Variants in TRIM42 observed in about 807,000 individuals in gnomAD.
The protein encoded by TRIM42 is tripartite motif containing 42.
In TRIM42, 59 loss-of-function variants were observed where a neutral mutation model predicts 64.9. The ratio of observed to expected loss-of-function variants is 0.91; its 90% confidence interval spans 0.74 to 1.13. The LOEUF (loss-of-function observed/expected upper bound fraction) is 1.13, where lower values mean the gene tolerates loss of function less well. TRIM42 is among the 50% of genes most tolerant of loss of function. The probability of loss-of-function intolerance (pLI) is 0.00; values close to 1 mark genes in which losing one functional copy is unlikely to be tolerated. For synonymous variants in TRIM42, 354 were observed against 346.3 expected (o/e 1.02, Z -0.25); for missense variants, 878 against 929.5 (o/e 0.94, Z 0.72).
At chr3:140,690,159 G>T (rs1177343076) in intron 3 of TRIM42, among the ~76,000 whole-genome samples, 1 of 152,134 alleles carries the variant, frequency 6.6e-6, no homozygotes, top group African/African-American at 2.4e-5. Flanking sequence ...AGAAGATTAA[G>T]TTTATGTTAA....
chr3:140,685,909 T>C (rs1246642712), intron 2 of TRIM42, among the ~76,000 whole-genome samples: 3 of 152,228 alleles, frequency 2.0e-5, no homozygotes, highest in South Asian at 2.1e-4. Context: ...TAAAAACATA[T>C]GGATCTGGTC....
chr3:140,682,753 C>A lies in TRIM42; in HGVS notation c.633C>A (p.His211Gln), dbSNP rs1475368922. The A allele has an allele frequency of 1.2e-6, 2 of 1,612,958 alleles. No homozygotes were observed. Among genetic ancestry groups the A allele is most frequent in the Non-Finnish European group, 8.5e-7 (1 of 1,180,042 alleles). Residue 211 changes from histidine to glutamine, a missense_variant, in exon 2 of 5, where the codon CAC becomes CAA. Physicochemically the swap from His to Gln is conservative, Grantham distance 24 (BLOSUM62 0). Transcript: ENST00000286349. ...NKMQLPENYL[H>Q]GRLTKRYMQE... ...TGCAGCTGCCCGAGAACTACCTGCA[C>A]GGGCGTCTCACCAAGCGCTACATGC...
intron 4 of TRIM42, among the ~76,000 whole-genome samples, chr3:140,696,835 C>T (rs1409778552): frequency 6.6e-6 from 1 of 152,074 alleles, no homozygotes; most frequent in East Asian, 1.9e-4. Flanking sequence ...CTTCAAAGGC[C>T]CTATCTCCAA....
At chr3:140,699,815 C>T (rs769912995) in intron 4 of TRIM42, among the ~76,000 whole-genome samples, 2 of 152,140 alleles carry the variant, frequency 1.3e-5, no homozygotes, top group East Asian at 1.9e-4. Flanking sequence ...ATAATATGAC[C>T]TTTGCCTTGC....
In TRIM42 at chr3:140,682,518, C is replaced by G; in HGVS notation, c.398C>G (p.Ser133Ter). ...GATACCCAGGTGGATGAAGTAAAGT[C>G]AATACCAGCCAACAGTCACCTGGTG... Reference protein sequence around the residue: ...SSDTQVDEVKSIPANSHLVNH... With the variant: ...SSDTQVDEVK Residue 133 changes from serine (S) to a stop codon, truncating the protein, a stop_gained, in exon 2 of 5, where the codon TCA (serine) becomes TGA (stop). Transcript: ENST00000286349. LOFTEE classifies it high-confidence loss of function. The G allele has an allele frequency of 1.2e-6, 2 of 1,614,208 alleles. No homozygotes were observed. Among genetic ancestry groups the G allele is most frequent in the Non-Finnish European group, 1.7e-6 (2 of 1,180,042 alleles).
chr3:140,689,194 C>G lies in TRIM42; in HGVS notation c.1860+652C>G, dbSNP rs536609867. Reference sequence around the variant, plus strand: ...AACATGGACAACATGAACAAATGGGCTTTTCTTTAACATACCTTTCAAATC... The same window carrying G: ...AACATGGACAACATGAACAAATGGGGTTTTCTTTAACATACCTTTCAAATC... On this transcript the variant is annotated intron_variant, in intron 3 of 4. Transcript: ENST00000286349. Among the ~76,000 whole-genome samples the G allele has an allele frequency of 3.3e-5, 5 of 152,318 alleles. 1 individual carries two copies. In the South Asian group the frequency reaches 8.3e-4, roughly 25 times the overall value.
At chr3:140,680,191 G>C (rs765852137) in intron 1 of TRIM42, among the ~76,000 whole-genome samples, 7 of 152,102 alleles carry the variant, frequency 4.6e-5, no homozygotes, top group Non-Finnish European at 1.0e-4. Flanking sequence ...CCAAGCCTGA[G>C]GCTTTTGGAG....
chr3:140,695,801 TC>T (rs1988831736), intron 4 of TRIM42, among the ~76,000 whole-genome samples: 3 of 152,148 alleles, frequency 2.0e-5, no homozygotes, highest in African/African-American at 7.2e-5. Context: ...GGTCATTCAA[TC>T]TGAATGACCA....
chr3:140,678,381 A>G lies in TRIM42; in HGVS notation c.152A>G (p.Gln51Arg). ...CCTTACAAAGATGAGCGGAACTGCC[A>G]GTTCTGCCACTGCACCTGTTCTGAG... ...PCPYKDERNCQFCHCTCSESP... is the reference protein window; with the variant it reads ...PCPYKDERNCRFCHCTCSESP... The change falls in exon 1 of 5, where the codon CAG becomes CGG. Residue 51 changes from glutamine (Q) to arginine (R), a missense_variant. Physicochemically the swap from Gln to Arg is conservative, Grantham distance 43. Transcript: ENST00000286349. 1 of 1,614,192 alleles carries G rather than the reference A, an allele frequency of 6.2e-7. No homozygotes were observed. The highest frequency in any genetic ancestry group is 8.5e-7 in the Non-Finnish European group (1 of 1,180,028).
In TRIM42 at chr3:140,687,736, G is replaced by C. The variant is rs1988583364; in HGVS notation, c.1054G>C (p.Asp352His). ...AKFKAVRYEI[D>H]NDLMEFNILK... Reference sequence around the variant, plus strand: ...CATTTTTGCAGTCCGATATGAAATTGATAATGACCTAATGGAATTCAACAT... The same window carrying C: ...CATTTTTGCAGTCCGATATGAAATTCATAATGACCTAATGGAATTCAACAT... The change falls in exon 3 of 5, where the codon GAT becomes CAT. Residue 352 changes from aspartate to histidine, a missense_variant. Coordinates refer to ENST00000286349, the MANE Select transcript of TRIM42 (RefSeq NM_152616.5). 6.2e-7 allele frequency: 1 copy of C among 1,606,224 alleles called. No individual in the cohort carries two copies. Among genetic ancestry groups the C allele is most frequent in the Non-Finnish European group, 8.5e-7 (1 of 1,177,016 alleles).
intron 1 of TRIM42, among the ~76,000 whole-genome samples, chr3:140,680,205 G>A (rs986422044): frequency 6.6e-6 from 1 of 152,036 alleles, no homozygotes; most frequent in African/African-American, 2.4e-5. Flanking sequence ...TTTGGAGGAT[G>A]GGCAGGGATG....
In TRIM42 at chr3:140,683,049, G is replaced by T. The variant is rs774815607; in HGVS notation, c.929G>T (p.Cys310Phe). Residue 310 changes from cysteine to phenylalanine, a missense_variant, in exon 2 of 5, where the codon TGC (cysteine) becomes TTC (phenylalanine). Physicochemically the swap from Cys to Phe is radical, Grantham distance 205 (BLOSUM62 -2). Transcript: ENST00000286349. ...TGCCGCAATGACAACAAATTGCTCT[G>T]CACCTTCTGCAAGTTCTCTTTCCAC... ...EYCRNDNKLLCTFCKFSFHNG... is the reference protein window; with the variant it reads ...EYCRNDNKLLFTFCKFSFHNG... 2 of 1,614,196 alleles carry T rather than the reference G, an allele frequency of 1.2e-6. No individual in the cohort carries two copies. Among genetic ancestry groups the T allele is most frequent in the South Asian group, 2.2e-5 (2 of 91,080 alleles).
chr3:140,678,548 C>G lies in TRIM42; in HGVS notation c.319C>G (p.Arg107Gly). The G allele has an allele frequency of 6.2e-7, 1 of 1,613,652 alleles. No homozygotes were observed. Among genetic ancestry groups the G allele is most frequent in the Non-Finnish European group, 8.5e-7 (1 of 1,179,778 alleles). ...TACCATCATCACTTTCCACAAGGGC[C>G]GCCTCAGGAGCATCCATACCTCGTA... is the stretch of plus-strand genomic sequence containing the variant. ...RNTIITFHKG[R>G]LRSIHTSSKT... is the part of the protein sequence containing the mutation. Residue 107 changes from arginine to glycine, a missense_variant, in exon 1 of 5, where the codon CGC (arginine) becomes GGC (glycine). Physicochemically the swap from Arg to Gly is moderately radical, Grantham distance 125. Coordinates refer to ENST00000286349, the MANE Select transcript of TRIM42 (RefSeq NM_152616.5).
chr3:140,695,898 A>C (rs2107767092), intron 4 of TRIM42, among the ~76,000 whole-genome samples: 1 of 152,270 alleles, frequency 6.6e-6, no homozygotes, highest in South Asian at 2.1e-4. Flanking sequence ...CTAAAATGAA[A>C]CCAAGATGGT....
chr3:140,686,753 C>T (rs1988554641), intron 2 of TRIM42, among the ~76,000 whole-genome samples: 2 of 152,136 alleles, frequency 1.3e-5, no homozygotes, highest in South Asian at 4.1e-4. Flanking sequence ...AGAACCTTAC[C>T]CGTAGCATAG....
At chr3:140,700,040 C>A (rs1275961782) in intron 4 of TRIM42, among the ~76,000 whole-genome samples, 2 of 152,170 alleles carry the variant, frequency 1.3e-5, no homozygotes, top group African/African-American at 4.8e-5. Flanking sequence ...TTCACCTCAG[C>A]AGAGCCCATT....
chr3:140,691,077 G>T lies in TRIM42; in HGVS notation c.1970G>T (p.Arg657Leu). Reference sequence around the variant, plus strand: ...CAAATGGAGCTCTGTGGACAAATTCGGGACATAATGCAGCAAAATCTGGAG... The same window carrying T: ...CAAATGGAGCTCTGTGGACAAATTCTGGACATAATGCAGCAAAATCTGGAG... ...NVQMELCGQI[R>L]DIMQQNLELH... Residue 657 changes from arginine to leucine, a missense_variant, in exon 4 of 5, where the codon CGG (arginine) becomes CTG (leucine). By Grantham distance (102) the Arg-to-Leu change is moderately radical (BLOSUM62 -2). Coordinates refer to ENST00000286349, the MANE Select transcript of TRIM42 (RefSeq NM_152616.5). 2 of 1,614,060 alleles carry T rather than the reference G, an allele frequency of 1.2e-6. No individual in the cohort carries two copies. Among genetic ancestry groups the T allele is most frequent in the Non-Finnish European group, 1.7e-6 (2 of 1,180,002 alleles).
At position 140,683,202 on chromosome 3, in the gene TRIM42, G is replaced by A. The variant is rs922785940; in HGVS notation, c.1039+43G>A. ...TCCTTCAGCCTAACTTCTAGTTCAG[G>A]AACACATGGGGAAGATGGCGTGGGG... On this transcript the variant is annotated intron_variant, in intron 2 of 4. Transcript: ENST00000286349. 16 of 1,595,964 alleles carry A rather than the reference G, an allele frequency of 1.0e-5. No homozygotes were observed. In the African/African-American group the frequency reaches 2.1e-4, roughly 21 times the overall value.
In TRIM42 at chr3:140,678,346, C is replaced by T. The variant is rs571939720; in HGVS notation, c.117C>T (p.Cys39=). The T allele has an allele frequency of 3.1e-6, 5 of 1,614,102 alleles. No homozygotes were observed. The highest frequency in any genetic ancestry group is 4.2e-6 in the Non-Finnish European group (5 of 1,180,028). ...FIFTSERNCT[C]FPCPYKDERN... is the part of the protein sequence containing the mutation. ...TCACCTCAGAGCGGAACTGCACCTG[C>T]TTCCCCTGCCCTTACAAAGATGAGC... is the stretch of plus-strand genomic sequence containing the variant. Residue 39 remains cysteine (C), a synonymous_variant, in exon 1 of 5, where the codon TGC becomes TGT. Coordinates refer to ENST00000286349, the MANE Select transcript of TRIM42 (RefSeq NM_152616.5).
Sources: gnomAD v4.1 joint callset for allele counts (sites outside exome capture counted in the v4.1 genomes callset) on GRCh38, gnomAD v4.1.1 for gene constraint, MANE v1.5 for transcripts, NCBI Gene and HGNC (gene_info 2026-07-23, HGNC 2026-07-21) for gene names.